The following TYR variants were observed in gnomAD, a reference collection of about 807,000 sequenced individuals.
TYR encodes the protein LB24-AB.
Under a neutral mutation model 51.5 loss-of-function variants are expected in TYR, and 58 were observed. The ratio of observed to expected loss-of-function variants is 1.13; its 90% CI spans 0.91 to 1.40. TYR has a LOEUF of 1.40. Ranked by LOEUF, TYR falls within the 40% of genes most tolerant of loss-of-function variation. The pLI is 0.00. For missense variants in TYR, 732 were observed against 647.4 expected (o/e 1.13, Z -1.42); for synonymous variants, 263 against 235.2 (o/e 1.12, Z -1.08).
intron 2 of TYR, among the ~76,000 whole-genome samples, chr11:89,207,400 A>G (rs1166446685): frequency 6.6e-6 from 1 of 152,142 alleles, no homozygotes; most frequent in African/African-American, 2.4e-5. Context: ...AAAAAGCGCA[A>G]ACTATACCAC....
chr11:89,276,267 T>C (rs1264686180), intron 3 of TYR, among the ~76,000 whole-genome samples: 4 of 151,974 alleles, frequency 2.6e-5, no homozygotes, highest in Admixed American at 6.6e-5. Context: ...CATGTTTAAC[T>C]GACAATCTAG....
At chr11:89,267,008 G>A (rs1407058235) in intron 3 of TYR, among the ~76,000 whole-genome samples, 1 of 151,850 alleles carries the variant, frequency 6.6e-6, no homozygotes, top group Non-Finnish European at 1.5e-5. Context: ...AAATAAAGGA[G>A]TTCTATATCT....
chr11:89,183,359 T>C (rs537828397), intron 1 of TYR, among the ~76,000 whole-genome samples: 2 of 152,206 alleles, frequency 1.3e-5, no homozygotes, highest in East Asian at 3.9e-4. Flanking sequence ...ATTCTACCCC[T>C]GCCATTTAGT....
chr11:89,222,020 G>T (rs1422029958), intron 2 of TYR, among the ~76,000 whole-genome samples: 1 of 152,166 alleles, frequency 6.6e-6, no homozygotes, highest in African/African-American at 2.4e-5. Flanking sequence ...CATAGTAGTT[G>T]CTCAATTTCT....
At chr11:89,186,261 T>C (rs551221553) in intron 1 of TYR, among the ~76,000 whole-genome samples, 1 of 152,304 alleles carries the variant, frequency 6.6e-6, no homozygotes, top group South Asian at 2.1e-4. Flanking sequence ...CGCACAATGC[T>C]CCATGCTCAG....
rs1943264652 is a variant in TYR, at chr11:89,178,868, C to A, written c.819+96C>A. 9 of 1,242,894 alleles carry A rather than the reference C, an allele frequency of 7.2e-6. No individual in the cohort carries two copies. In the East Asian group the frequency reaches 2.2e-4, roughly 30 times the overall value. 77.0% of individuals were successfully genotyped at this position (1,242,894 alleles called of 1,614,324 possible). ...AAACTTCTCACCTGAACACTCATTG[C>A]AGCCCCCATCAAGGACAGAAATGGT... On this transcript the variant is annotated intron_variant, in intron 1 of 4. Transcript: ENST00000263321.
At chr11:89,288,024 T>C (rs1944811979) in intron 4 of TYR, among the ~76,000 whole-genome samples, 1 of 151,972 alleles carries the variant, frequency 6.6e-6, no homozygotes, top group Non-Finnish European at 1.5e-5. Flanking sequence ...AATTCACTCA[T>C]ATAATAACAA....
chr11:89,287,103 C>T (rs558145395), intron 4 of TYR, among the ~76,000 whole-genome samples: 16 of 151,910 alleles, frequency 1.1e-4, no homozygotes, highest in African/African-American at 3.9e-4. Context: ...AGTTACATAG[C>T]ATTTCTTTCT....
intron 3 of TYR, 122 bp downstream of exon 3, chr11:89,228,092 A>G: frequency 8.1e-7 from 1 of 1,237,578 alleles, no homozygotes; most frequent in Non-Finnish European, 1.2e-6. Context: ...GTCTGTGATC[A>G]GGTTGTCACC....
chr11:89,208,501 A>C (rs1419868896), intron 2 of TYR, among the ~76,000 whole-genome samples: 1 of 152,186 alleles, frequency 6.6e-6, no homozygotes, highest in Non-Finnish European at 1.5e-5. Context: ...GTGAGAAAAG[A>C]CTTAGGGAGG....
At chr11:89,269,991 T>A (rs959700678) in intron 3 of TYR, among the ~76,000 whole-genome samples, 3 of 151,908 alleles carry the variant, frequency 2.0e-5, no homozygotes, top group Middle Eastern at 3.2e-3. Context: ...AACTCAGCTG[T>A]TGGTCCATTG....
intron 4 of TYR, among the ~76,000 whole-genome samples, chr11:89,291,417 C>A (rs1394466438): frequency 2.0e-5 from 3 of 151,810 alleles, no homozygotes; most frequent in Admixed American, 1.3e-4. Context: ...ATAGTTATAT[C>A]ATCTATTAAT....
chr11:89,251,640 G>GT (rs1006115540), intron 3 of TYR, among the ~76,000 whole-genome samples: 3 of 151,710 alleles, frequency 2.0e-5, no homozygotes, highest in East Asian at 1.9e-4. Context: ...TTTTGTTTCT[G>GT]TTTTTTTAGA....
At chr11:89,277,166 TTTA>T (rs1435507285) in intron 3 of TYR, among the ~76,000 whole-genome samples, 1 of 151,776 alleles carries the variant, frequency 6.6e-6, no homozygotes, top group Non-Finnish European at 1.5e-5. Flanking sequence ...AATGGAAATG[TTTA>T]TTATCATTTA....
intron 3 of TYR, among the ~76,000 whole-genome samples, chr11:89,262,524 C>A (rs1337308629): frequency 2.1e-5 from 3 of 145,194 alleles, no homozygotes; most frequent in Non-Finnish European, 3.0e-5. Flanking sequence ...AGAATACGAA[C>A]ACAGTAGAGA....
intron 4 of TYR, among the ~76,000 whole-genome samples, chr11:89,289,534 C>T (rs1036633810): frequency 7.9e-5 from 12 of 151,846 alleles, no homozygotes; most frequent in African/African-American, 2.7e-4. Flanking sequence ...AACAACATTA[C>T]TCTCGAAATG....
At chr11:89,194,108 T>C (rs1280097021) in intron 2 of TYR, among the ~76,000 whole-genome samples, 2 of 152,166 alleles carry the variant, frequency 1.3e-5, no homozygotes, top group Non-Finnish European at 2.9e-5. Flanking sequence ...CTCTCCAAAA[T>C]AGAATCTAGT....
Position 89,227,980 on chromosome 11 carries a change from T to C in TYR, c.1184+10T>C. 1.2e-6 allele frequency: 2 copies of C among 1,612,996 alleles called. No homozygotes were observed. The highest frequency in any genetic ancestry group is 1.7e-6 in the Non-Finnish European group (2 of 1,179,466). Reference sequence around the variant, plus strand: ...ATGCATTTGTTGACAGGTTGGTTAATATTTCTTTATAAATAACGTGCTCAT... The same window carrying C: ...ATGCATTTGTTGACAGGTTGGTTAACATTTCTTTATAAATAACGTGCTCAT... On this transcript the variant is annotated intron_variant, in intron 3 of 4. Transcript: ENST00000263321.
chr11:89,210,240 G>C (rs1943734805), intron 2 of TYR, among the ~76,000 whole-genome samples: 1 of 152,158 alleles, frequency 6.6e-6, no homozygotes, highest in Non-Finnish European at 1.5e-5. Context: ...TAGATGAATG[G>C]CTAACTAGAA....
Sources: gnomAD v4.1 joint callset for allele counts (sites outside exome capture counted in the v4.1 genomes callset) on GRCh38, gnomAD v4.1.1 for gene constraint, MANE v1.5 for transcripts, NCBI Gene and HGNC (gene_info 2026-07-23, HGNC 2026-07-21) for gene names.